Variants in LRRC4C observed in about 807,000 individuals in gnomAD.
LRRC4C encodes leucine rich repeat containing 4C, also known as leucine-rich repeat-containing protein 4C.
In LRRC4C, 5 loss-of-function variants were observed where a neutral mutation model predicts 33.6. The ratio of observed to expected loss-of-function variants is 0.15; its 90% CI spans 0.08 to 0.31. The LOEUF (loss-of-function observed/expected upper bound fraction) is 0.31. LRRC4C is among the 10% of genes least tolerant of loss of function. The probability of loss-of-function intolerance (pLI) is 1.00; values close to 1 mark genes in which losing one functional copy is unlikely to be tolerated. For synonymous variants in LRRC4C, 329 were observed against 302.0 expected (o/e 1.09, Z -0.93); for missense variants, 560 against 796.7 (o/e 0.70, Z 3.58).
intron 1 of LRRC4C, among the ~76,000 whole-genome samples, chr11:41,169,684 C>T (rs149721708): frequency 2.4e-4 from 37 of 152,260 alleles, no homozygotes; most frequent in Non-Finnish European, 4.6e-4. Context: ...ACTGATCGCA[C>T]TTTAAATTAC....
intron 5 of LRRC4C, among the ~76,000 whole-genome samples, chr11:40,200,180 T>TAAAAAAAAAAAAAAAAAAAAAAAAAA (rs56269292): frequency 3.8e-5 from 1 of 26,046 alleles, no homozygotes; most frequent in Non-Finnish European, 7.0e-5. Flanking sequence ...CTGTCTCCAC[T>TAAAAAAAAAAAAAAAAAAAAAAAAAA]AAAAAAAAAA....
chr11:40,541,060 T>G (rs988822384), intron 3 of LRRC4C, among the ~76,000 whole-genome samples: 2 of 152,200 alleles, frequency 1.3e-5, no homozygotes, highest in African/African-American at 4.8e-5. Context: ...GAATGGATCC[T>G]TCAACTCTTT....
At chr11:40,831,376 C>G (rs1952404659) in intron 2 of LRRC4C, among the ~76,000 whole-genome samples, 3 of 151,762 alleles carry the variant, frequency 2.0e-5, no homozygotes, top group Admixed American at 2.0e-4. Context: ...TGAAATAGAC[C>G]CACTCAATAC....
chr11:40,264,978 G>A (rs562812106), intron 4 of LRRC4C, among the ~76,000 whole-genome samples: 2 of 152,148 alleles, frequency 1.3e-5, no homozygotes, highest in Admixed American at 1.3e-4. Flanking sequence ...AACGGCTAAA[G>A]GTCAAGGTCT....
chr11:40,838,960 T>C (rs1412219839), intron 2 of LRRC4C, among the ~76,000 whole-genome samples: 1 of 152,102 alleles, frequency 6.6e-6, no homozygotes, highest in Non-Finnish European at 1.5e-5. Context: ...AGAATGATAA[T>C]GAATTGTAAT....
At chr11:40,925,368 AG>A (rs2136403842) in intron 2 of LRRC4C, among the ~76,000 whole-genome samples, 1 of 152,310 alleles carries the variant, frequency 6.6e-6, no homozygotes, top group African/African-American at 2.4e-5. Flanking sequence ...AAGAATATTC[AG>A]CACACTCTCT....
chr11:40,331,407 A>G (rs144569973), intron 3 of LRRC4C, among the ~76,000 whole-genome samples: 26 of 152,312 alleles, frequency 1.7e-4, no homozygotes, highest in African/African-American at 5.8e-4. Context: ...ATCAACCAAC[A>G]TGTCCATCAG....
intron 2 of LRRC4C, among the ~76,000 whole-genome samples, chr11:40,852,071 C>T (rs1299727993): frequency 6.6e-6 from 1 of 151,998 alleles, no homozygotes; most frequent in Non-Finnish European, 1.5e-5. Flanking sequence ...TCATGATCCA[C>T]CTGCCTCAGC....
At chr11:40,671,646 A>AGTGTGTGTGTGT (rs145275244) in intron 2 of LRRC4C, among the ~76,000 whole-genome samples, 4,109 of 140,464 alleles carry the variant, frequency 0.029, 93 homozygotes, top group Admixed American at 0.035. Context: ...GTCCTTATTC[A>AGTGTGTGTGTGT]GTGTGTGTGT....
chr11:40,486,540 A>G (rs923685940), intron 3 of LRRC4C, among the ~76,000 whole-genome samples: 2 of 152,044 alleles, frequency 1.3e-5, no homozygotes, highest in African/African-American at 4.8e-5. Flanking sequence ...TTTAAGGCAA[A>G]AGAGGAAATT....
At chr11:40,741,295 C>T (rs572576527) in intron 2 of LRRC4C, among the ~76,000 whole-genome samples, 1 of 151,984 alleles carries the variant, frequency 6.6e-6, no homozygotes, top group Non-Finnish European at 1.5e-5. Context: ...AATTATGCCA[C>T]TCCAACTGAA....
At chr11:40,957,276 C>A (rs1379731462) in intron 1 of LRRC4C, among the ~76,000 whole-genome samples, 6 of 151,648 alleles carry the variant, frequency 4.0e-5, no homozygotes, top group Non-Finnish European at 7.4e-5. Flanking sequence ...AGTCGCTTAG[C>A]AATTGTAGGT....
intron 2 of LRRC4C, among the ~76,000 whole-genome samples, chr11:40,809,537 G>C (rs908698203): frequency 6.6e-6 from 1 of 151,626 alleles, no homozygotes; most frequent in Non-Finnish European, 1.5e-5. Flanking sequence ...TTTTTCTATA[G>C]AACTTTTTGC....
At chr11:40,299,379 G>T (rs1325130882) in intron 4 of LRRC4C, among the ~76,000 whole-genome samples, 3 of 152,132 alleles carry the variant, frequency 2.0e-5, no homozygotes, top group Admixed American at 2.0e-4. Context: ...TTCCTGCGTG[G>T]ACTCTGCCAC....
In LRRC4C at chr11:40,230,792, T is replaced by A. The variant is rs111587203; in HGVS notation, c.-96+10727A>T. On this transcript the variant is annotated intron_variant, in intron 5 of 6. Transcript: ENST00000528697. ...GACAAAAGGATGAATCAAATATAGA[T>A]GCTTAGAAAGAAATGCTCCTCTATT... Among the ~76,000 whole-genome samples, 1,123 of 152,268 alleles carry A rather than the reference T, an allele frequency of 7.4e-3. 3 individuals are homozygous for A. The highest frequency in any genetic ancestry group is 0.01 in the Non-Finnish European group (685 of 68,004).
intron 1 of LRRC4C, among the ~76,000 whole-genome samples, chr11:41,192,131 T>A (rs1357799065): frequency 1.3e-5 from 2 of 152,170 alleles, no homozygotes; most frequent in East Asian, 3.9e-4. Flanking sequence ...GCTATTAATC[T>A]AAAATAGCAC....
At chr11:40,306,814 C>T (rs185516641) in intron 4 of LRRC4C, among the ~76,000 whole-genome samples, 1 of 152,208 alleles carries the variant, frequency 6.6e-6, no homozygotes, top group East Asian at 1.9e-4. Context: ...ATAACATGGC[C>T]CTGAGCTTGT....
At chr11:40,708,098 A>C (rs542115073) in intron 2 of LRRC4C, among the ~76,000 whole-genome samples, 1 of 151,752 alleles carries the variant, frequency 6.6e-6, no homozygotes, top group African/African-American at 2.4e-5. Context: ...GATTCTTCTC[A>C]CTTTTCTTCT....
intron 1 of LRRC4C, among the ~76,000 whole-genome samples, chr11:41,058,425 C>G (rs1466033608): frequency 1.3e-5 from 2 of 152,362 alleles, no homozygotes; most frequent in Admixed American, 6.5e-5. Flanking sequence ...CCTTACTGTT[C>G]CATGCCTGAC....
Sources: gnomAD v4.1 joint callset for allele counts (sites outside exome capture counted in the v4.1 genomes callset) on GRCh38, gnomAD v4.1.1 for gene constraint, MANE v1.5 for transcripts, NCBI Gene and HGNC (gene_info 2026-07-23, HGNC 2026-07-21) for gene names.